RPL26: variants seen among roughly 807,000 people sequenced by gnomAD.
RPL26 encodes large ribosomal subunit protein uL24.
Under a neutral mutation model 16.2 loss-of-function variants are expected in RPL26, and 1 was observed. The ratio of observed to expected loss-of-function variants is 0.06; its 90% CI spans 0.02 to 0.29. The LOEUF is 0.29. Among genes scored for constraint, RPL26 ranks in the 10% least tolerant of loss-of-function variants. The pLI is 1.00. For synonymous variants in RPL26, 55 were observed against 62.4 expected (o/e 0.88, Z 0.56); for missense variants, 102 against 184.3 (o/e 0.55, Z 2.58).
intron 1 of RPL26, 104 bp from the exon 2 acceptor site, chr17:8,382,419 C>G: frequency 3.6e-6 from 3 of 825,806 alleles, no homozygotes; most frequent in Middle Eastern, 2.3e-4. Flanking sequence ...TGATCATAGG[C>G]AGTGTCATGT....
intron 1 of RPL26, chr17:8,382,657 G>A: frequency 6.7e-6 from 2 of 297,584 alleles, no homozygotes; most frequent in South Asian, 6.1e-5. Context: ...TGAGCAGACC[G>A]ACAACGCAAT....
chr17:8,379,154 C>CA (rs1443913472), intron 3 of RPL26: 1 of 151,696 alleles, frequency 6.6e-6, no homozygotes, highest in Non-Finnish European at 1.5e-5. Flanking sequence ...AAAAAGATGT[C>CA]AGAAGTAAGG....
chr17:8,381,903 T>TTG (rs1555552569), intron 2 of RPL26: 1 of 346,296 alleles, frequency 2.9e-6, no homozygotes, highest in African/African-American at 2.5e-5. Context: ...CACTCCAGCC[T>TTG]GGGGGGGACA....
intron 2 of RPL26, 100 bp downstream of exon 2, chr17:8,382,043 C>A: frequency 3.8e-6 from 4 of 1,046,466 alleles, no homozygotes; most frequent in Admixed American, 2.1e-5. Context: ...TCTTTGGGAG[C>A]AAGAGTCTCA....
intron 1 of RPL26, 137 bp from the exon 2 acceptor site, chr17:8,382,452 T>C (rs1907467424): frequency 1.5e-6 from 1 of 647,848 alleles, no homozygotes; most frequent in Non-Finnish European, 2.6e-6. Flanking sequence ...ACAAAAACTG[T>C]TTGATCGGAA....
At chr17:8,380,187 A>G in intron 2 of RPL26, 1 of 414,002 alleles carries the variant, frequency 2.4e-6, no homozygotes, top group South Asian at 5.8e-5. Context: ...AGAGGGCAGC[A>G]ACAAATGCTT....
rs375938069 is a variant in RPL26, at chr17:8,381,784, C to T, written c.168+359G>A. On this transcript the variant is annotated intron_variant, in intron 2 of 3. Transcript: ENST00000648839. ...CTCTACTAAAAACACAAAAATTAGCCGAGCCGTGGTGGCGGGCGCTTGTAA... is the reference window on the plus strand; with the variant it reads ...CTCTACTAAAAACACAAAAATTAGCTGAGCCGTGGTGGCGGGCGCTTGTAA... The T allele has an allele frequency of 2.0e-4, 44 of 217,688 alleles. No individual in the cohort carries two copies. The East Asian group carries it at 5.5e-3, about 27-fold the overall frequency. The allele number at this position is 217,688 out of a possible 1,614,324, so 13.5% of individuals were successfully genotyped here. A position where few individuals can be genotyped will look rare whatever the true frequency, so the allele number is the denominator to read the frequency against.
intron 3 of RPL26, among the ~76,000 whole-genome samples, chr17:8,378,622 A>C (rs913237375): frequency 4.6e-5 from 7 of 152,208 alleles, no homozygotes; most frequent in African/African-American, 1.7e-4. Context: ...TGACAATACG[A>C]TCTTACTCCA....
intron 3 of RPL26, 74 bp downstream of exon 3, chr17:8,379,722 C>A: frequency 7.1e-7 from 1 of 1,413,460 alleles, no homozygotes; most frequent in Non-Finnish European, 9.8e-7. Context: ...TTTCTATGGC[C>A]TTGCTCTGTA....
chr17:8,382,598 ACTC>A (rs774832533), intron 1 of RPL26: 20 of 381,496 alleles, frequency 5.2e-5, no homozygotes, highest in East Asian at 1.2e-4. Flanking sequence ...CACTCTCCCA[ACTC>A]CTCAAGTAGT....
At chr17:8,382,935 T>TC in intron 1 of RPL26, 1 of 397,682 alleles carries the variant, frequency 2.5e-6, no homozygotes, top group Non-Finnish European at 4.4e-6. Flanking sequence ...CAGGCTCCCT[T>TC]CCCTCAGCTC....
At chr17:8,382,936 C>T (rs1907494508) in intron 1 of RPL26, 1 of 397,854 alleles carries the variant, frequency 2.5e-6, no homozygotes, top group Non-Finnish European at 4.4e-6. Flanking sequence ...AGGCTCCCTT[C>T]CCTCAGCTCG....
chr17:8,379,106 G>A (rs148902655), intron 3 of RPL26: 35 of 152,240 alleles, frequency 2.3e-4, no homozygotes, highest in African/African-American at 7.5e-4. Context: ...ATTCTACCAA[G>A]TTGCTAGGAG....
At chr17:8,383,005 T>G in intron 1 of RPL26, 152 bp downstream of exon 1, 2 of 398,570 alleles carry the variant, frequency 5.0e-6, no homozygotes, top group Admixed American at 8.8e-5. Flanking sequence ...GGCCCTTGAT[T>G]TAAGAAAGCA....
At chr17:8,381,785 G>A (rs1315405577) in intron 2 of RPL26, 4 of 213,404 alleles carry the variant, frequency 1.9e-5, no homozygotes, top group East Asian at 1.8e-4. Context: ...AAAATTAGCC[G>A]AGCCGTGGTG....
At chr17:8,378,739 A>G (rs1413633505) in intron 3 of RPL26, among the ~76,000 whole-genome samples, 1 of 152,180 alleles carries the variant, frequency 6.6e-6, no homozygotes, top group African/African-American at 2.4e-5. Context: ...GACCAAACAA[A>G]AATCTCCACA....
chr17:8,378,259 G>T (rs536539454), intron 3 of RPL26, among the ~76,000 whole-genome samples: 1 of 152,102 alleles, frequency 6.6e-6, no homozygotes, highest in Non-Finnish European at 1.5e-5. Context: ...GGAACCCTGG[G>T]GGGGCGGAGG....
chr17:8,378,694 A>G (rs1182481082), intron 3 of RPL26, among the ~76,000 whole-genome samples: 1 of 152,210 alleles, frequency 6.6e-6, no homozygotes, highest in East Asian at 1.9e-4. Flanking sequence ...AATGCGAGGA[A>G]AGGGTGAAAA....
intron 3 of RPL26, 172 bp from the exon 4 acceptor site, chr17:8,377,864 C>A (rs1907220751): frequency 5.6e-6 from 3 of 533,866 alleles, no homozygotes; most frequent in Non-Finnish European, 9.4e-6. Flanking sequence ...TCAAACCTGG[C>A]TTATTTACTA....
Sources: gnomAD v4.1 joint callset for allele counts (sites outside exome capture counted in the v4.1 genomes callset) on GRCh38, gnomAD v4.1.1 for gene constraint, MANE v1.5 for transcripts, NCBI Gene and HGNC (gene_info 2026-07-23, HGNC 2026-07-21) for gene names.